The following ARMH4 variants were observed in gnomAD, a reference collection of about 807,000 sequenced individuals.
The protein encoded by ARMH4 is armadillo like helical domain containing 4.
A neutral mutation model predicts 61.9 loss-of-function variants in ARMH4; 49 were observed. The ratio of observed to expected loss-of-function variants is 0.79; its 90% CI spans 0.63 to 1.00. ARMH4 has a LOEUF of 1.00. Ranked by LOEUF, ARMH4 falls within the 50% of genes least tolerant of loss-of-function variation. The pLI, the probability that ARMH4 is intolerant of heterozygous loss-of-function variation, is 0.00. For missense variants in ARMH4, 934 were observed against 930.0 expected, an observed-to-expected ratio of 1.00 and a Z score of -0.06; for synonymous variants, 368 against 341.5, an observed-to-expected ratio of 1.08 and a Z score of -0.85.
chr14:58,062,631 C>A, intron 5 of ARMH4, among the ~76,000 whole-genome samples: 1 of 152,194 alleles, frequency 6.6e-6, no homozygotes, highest in South Asian at 2.1e-4. Context: ...GGGCACGAGG[C>A]TAAGTGTTCT....
intron 1 of ARMH4, among the ~76,000 whole-genome samples, chr14:58,144,580 A>T (rs1369199591): frequency 6.6e-6 from 1 of 151,888 alleles, no homozygotes; most frequent in Non-Finnish European, 1.5e-5. Flanking sequence ...ACAACAAAAC[A>T]TATGAGGCCT....
At chr14:58,119,497 T>C (rs1429857025) in intron 4 of ARMH4, among the ~76,000 whole-genome samples, 1 of 152,174 alleles carries the variant, frequency 6.6e-6, no homozygotes, top group African/African-American at 2.4e-5. Flanking sequence ...TTTCTACCAC[T>C]CACATATAGT....
chr14:58,049,054 G>C (rs191387909), intron 5 of ARMH4, among the ~76,000 whole-genome samples: 9 of 151,962 alleles, frequency 5.9e-5, no homozygotes, highest in Non-Finnish European at 1.0e-4. Context: ...TGGCTAACAT[G>C]GTGAAACCCC....
At chr14:58,118,446 C>T (rs1381853137) in intron 4 of ARMH4, among the ~76,000 whole-genome samples, 2 of 129,724 alleles carry the variant, frequency 1.5e-5, no homozygotes, top group East Asian at 2.5e-4. Context: ...GGGCTCACTA[C>T]TACTTGGTGG....
chr14:58,150,610 C>A (rs1019960121), intron 1 of ARMH4, among the ~76,000 whole-genome samples: 1 of 152,160 alleles, frequency 6.6e-6, no homozygotes, highest in Non-Finnish European at 1.5e-5. Context: ...AAAACAAAGA[C>A]AAATTCACAT....
chr14:58,137,323 G>A (rs1254249997), intron 2 of ARMH4, among the ~76,000 whole-genome samples: 3 of 152,102 alleles, frequency 2.0e-5, no homozygotes, highest in Non-Finnish European at 2.9e-5. Flanking sequence ...TGGGGGAAGG[G>A]GAAAGCAAAA....
In ARMH4 at chr14:58,015,384, A is replaced by G. The variant is rs182481070; in HGVS notation, c.2090-3234T>C. ...TAAGTATTCTGGTGGGCACAGGTCT[A>G]AAAAGGTTGAGGAAACACTATTCTT... is the stretch of plus-strand genomic sequence containing the variant. On this transcript the variant is annotated intron_variant, in intron 5 of 7. Coordinates refer to ENST00000267485, the MANE Select transcript of ARMH4 (RefSeq NM_001001872.4). Among the ~76,000 whole-genome samples, 451 of 152,310 alleles carry G rather than the reference A, an allele frequency of 3.0e-3. 1 individual carries two copies. Among genetic ancestry groups the G allele is most frequent in the African/African-American group, 0.011 (439 of 41,558 alleles).
chr14:58,027,906 C>T (rs1872028239), intron 5 of ARMH4, among the ~76,000 whole-genome samples: 1 of 152,198 alleles, frequency 6.6e-6, no homozygotes, highest in Non-Finnish European at 1.5e-5. Flanking sequence ...TTTCTGCCAT[C>T]TAAATAGATT....
chr14:58,050,045 G>T (rs1884084004), intron 5 of ARMH4, among the ~76,000 whole-genome samples: 1 of 152,214 alleles, frequency 6.6e-6, no homozygotes, highest in Non-Finnish European at 1.5e-5. Context: ...CTCACATAGA[G>T]AATTGAAAGA....
At chr14:58,026,917 G>C (rs1883041739) in intron 5 of ARMH4, among the ~76,000 whole-genome samples, 1 of 152,180 alleles carries the variant, frequency 6.6e-6, no homozygotes, top group Non-Finnish European at 1.5e-5. Context: ...CTTAGCTGGA[G>C]TTTCTGACAT....
chr14:58,006,374 G>A (rs1248924905), intron 6 of ARMH4, among the ~76,000 whole-genome samples: 1 of 152,078 alleles, frequency 6.6e-6, no homozygotes, highest in Non-Finnish European at 1.5e-5. Flanking sequence ...TTTTCAAAGT[G>A]AGCCAAAAAT....
chr14:58,101,559 A>G (rs1344319826), intron 4 of ARMH4: 1 of 152,218 alleles, frequency 6.6e-6, no homozygotes, highest in Non-Finnish European at 1.5e-5. Context: ...TTGTCCTTCA[A>G]TGAGGTAATA....
intron 5 of ARMH4, among the ~76,000 whole-genome samples, chr14:58,025,674 AACTT>A (rs1882997516): frequency 6.6e-6 from 1 of 152,218 alleles, no homozygotes; most frequent in South Asian, 2.1e-4. Context: ...AGAATAACAA[AACTT>A]ACTAAGTTTT....
intron 3 of ARMH4, among the ~76,000 whole-genome samples, chr14:58,132,512 G>A (rs1015693991): frequency 7.3e-5 from 11 of 151,672 alleles, no homozygotes; most frequent in Non-Finnish European, 1.3e-4. Flanking sequence ...GCCTTCTCAG[G>A]GGGTCTGGCC....
intron 4 of ARMH4, among the ~76,000 whole-genome samples, chr14:58,111,895 G>A (rs945275445): frequency 1.8e-4 from 28 of 151,812 alleles, no homozygotes; most frequent in Admixed American, 1.1e-3. Context: ...GGGTCTCTTC[G>A]GTGACCAGGC....
intron 5 of ARMH4, among the ~76,000 whole-genome samples, chr14:58,056,589 C>T (rs1340690317): frequency 6.6e-6 from 1 of 152,182 alleles, no homozygotes; most frequent in Non-Finnish European, 1.5e-5. Context: ...TGAGCAGTCC[C>T]AGGTCTTCCT....
chr14:58,141,345 C>T (rs1014739540), intron 1 of ARMH4: 5 of 496,174 alleles, frequency 1.0e-5, no homozygotes, highest in African/African-American at 9.9e-5. Flanking sequence ...CCACCGACAC[C>T]ATTTAGAATG....
rs140057603 is a variant in ARMH4, at chr14:58,096,924, T to C, written c.1889A>G (p.Asp630Gly). Residue 630 changes from aspartate (D) to glycine (G), a missense_variant, in exon 5 of 8, where the codon GAT becomes GGT. By Grantham distance (94) the Asp-to-Gly change is moderately conservative. Coordinates refer to ENST00000267485, the MANE Select transcript of ARMH4 (RefSeq NM_001001872.4). ...DEEDEDEEEE[D>G]EEEDEEDKDA... ...TTTATCTTCCTCATCTTCTTCCTCA[T>C]CTTCCTCTTCTTCATCTTCATCTTC... 4.4e-3 allele frequency: 7,144 copies of C among 1,614,046 alleles called. 30 individuals are homozygous for C. The highest frequency in any genetic ancestry group is 5.2e-3 in the Non-Finnish European group (6,193 of 1,179,952).
At chr14:58,015,394 A>T (rs984367062) in intron 5 of ARMH4, among the ~76,000 whole-genome samples, 1 of 152,210 alleles carries the variant, frequency 6.6e-6, no homozygotes, top group Non-Finnish European at 1.5e-5. Context: ...AAAAAGGTTG[A>T]GGAAACACTA....
Sources: gnomAD v4.1 joint callset for allele counts (sites outside exome capture counted in the v4.1 genomes callset) on GRCh38, gnomAD v4.1.1 for gene constraint, MANE v1.5 for transcripts, NCBI Gene and HGNC (gene_info 2026-07-23, HGNC 2026-07-21) for gene names.